CHL1: variants seen among roughly 807,000 people sequenced by gnomAD.
CHL1 encodes neural cell adhesion molecule L1-like protein.
CHL1 carries 96 observed loss-of-function variants against 141.9 expected under a neutral mutation model. That is an observed-to-expected ratio of 0.68 (90% CI 0.57 to 0.80). CHL1 has a LOEUF of 0.80. Among genes scored for constraint, CHL1 ranks in the 30% least tolerant of loss-of-function variants. CHL1 has a pLI of 0.00. For missense variants in CHL1, 1,820 were observed against 1,457.2 expected (o/e 1.25, Z -4.05); for synonymous variants, 613 against 502.2 (o/e 1.22, Z -2.95).
rs545830021 is a variant in CHL1 at position 387,120 on chromosome 3, T to G, written c.2248-2132T>G. On this transcript the variant is annotated intron_variant, in intron 19 of 27. Transcript: ENST00000256509. ...TCTAGATTAATAGTTATAACCTTGC[T>G]TGGGTCATAGATCTCTTTGAAACTA... Among the ~76,000 whole-genome samples the G allele has an allele frequency of 2.0e-5, 3 of 152,340 alleles. No individual in the cohort carries two copies. The South Asian group carries it at 6.2e-4, about 32-fold the overall frequency.
chr3:197,801 G>T (rs1485299814), intron 1 of CHL1: 2 of 456,096 alleles, frequency 4.4e-6, no homozygotes, highest in Non-Finnish European at 8.8e-6. Flanking sequence ...CCTGGTAGCG[G>T]AGCCCGGGGG....
chr3:389,312 CA>C lies in CHL1; in HGVS notation c.2309del (p.Gln770ArgfsTer19), dbSNP rs1708036205. The C allele has an allele frequency of 6.2e-7, 1 of 1,614,030 alleles. No individual in the cohort carries two copies. Among genetic ancestry groups the C allele is most frequent in the African/African-American group, 1.3e-5 (1 of 74,936 alleles). On this transcript the variant is annotated frameshift_variant, in exon 20 of 28. Coordinates refer to ENST00000256509, the MANE Select transcript of CHL1 (RefSeq NM_006614.4). LOFTEE classifies it high-confidence loss of function. ...AGAGTACAGAGTGACCTGGAAGCCA[CA>C]GGGAGCCCCAGTGGAGTGGGAAGAA... ...GLEYRVTWKP[Q>X]GAPVEWEEET...
intron 13 of CHL1, 137 bp downstream of exon 13, chr3:361,947 A>AACTT: frequency 1.7e-6 from 1 of 602,816 alleles, no homozygotes; most frequent in Non-Finnish European, 3.0e-6. Flanking sequence ...TAAGGTAACA[A>AACTT]ACTTACCGGT....
intron 16 of CHL1, among the ~76,000 whole-genome samples, chr3:381,648 G>C (rs1228439752): frequency 6.6e-6 from 1 of 152,170 alleles, no homozygotes; most frequent in African/African-American, 2.4e-5. Context: ...TTTGCAATTG[G>C]TTAAGGAAGA....
chr3:373,622 C>G (rs1194471033), intron 15 of CHL1: 6 of 152,510 alleles, frequency 3.9e-5, no homozygotes, highest in Admixed American at 3.3e-4. Context: ...AAGCAGGCAG[C>G]TGCAGCTGTG....
chr3:364,986 T>A (rs186684743), intron 14 of CHL1, among the ~76,000 whole-genome samples: 254 of 152,348 alleles, frequency 1.7e-3, no homozygotes, highest in African/African-American at 5.8e-3. Context: ...AAGTAGGATG[T>A]CAAATAATTC....
At position 307,714 on chromosome 3, in the gene CHL1, A is replaced by T. The variant is rs570280776; in HGVS notation, c.-94-11969A>T. Among the ~76,000 whole-genome samples, 3 of 152,306 alleles carry T rather than the reference A, an allele frequency of 2.0e-5. No homozygotes were observed. The South Asian group carries it at 6.2e-4, about 32-fold the overall frequency. On this transcript the variant is annotated intron_variant, in intron 2 of 27. Coordinates refer to ENST00000256509, the MANE Select transcript of CHL1 (RefSeq NM_006614.4). ...TAACATCGACTATAGTGATTAAGCC[A>T]TACTTACACACTTAACATACTTTAC...
At chr3:339,194 G>C (rs1276682522) in intron 5 of CHL1, among the ~76,000 whole-genome samples, 1 of 152,204 alleles carries the variant, frequency 6.6e-6, no homozygotes, top group South Asian at 2.1e-4. Context: ...CTAAATAAGT[G>C]GTTCAATTTG....
Position 213,639 on chromosome 3 carries a change from G to A in CHL1, c.-175+16576G>A, listed in dbSNP as rs918207734. ...AAATAGAGGATGAAAAATGCCATAC[G>A]AATGTATAGATAATGTTTTATGGGA... On this transcript the variant is annotated intron_variant, in intron 1 of 27. Coordinates refer to ENST00000256509, the MANE Select transcript of CHL1 (RefSeq NM_006614.4). 2.6e-5 allele frequency: 4 copies of A among 152,134 alleles called. No individual in the cohort carries two copies. In the East Asian group the frequency reaches 5.8e-4, roughly 22 times the overall value. The allele number at this position is 152,134 out of a possible 1,614,324, so 9.4% of individuals were successfully genotyped here. A position where few individuals can be genotyped will look rare whatever the true frequency, so the allele number is the denominator to read the frequency against.
Position 405,524 on chromosome 3 carries a change from G to A in CHL1, c.3488G>A (p.Ser1163Asn). The A allele has an allele frequency of 6.2e-7, 1 of 1,613,014 alleles. No homozygotes were observed. Among genetic ancestry groups the A allele is most frequent in the Non-Finnish European group, 8.5e-7 (1 of 1,179,198 alleles). Residue 1163 changes from serine (S) to asparagine (N), a missense_variant, in exon 28 of 28, where the codon AGC becomes AAC. Coordinates refer to ENST00000256509, the MANE Select transcript of CHL1 (RefSeq NM_006614.4). ...SDSDEKPLKG[S>N]LRSLNRDMQP... ...AGTGATGAAAAGCCTCTCAAAGGAA[G>A]CCTTCGGTCCCTTAATAGGGATATG... is the stretch of plus-strand genomic sequence containing the variant.
At chr3:364,642 T>A (rs955746902) in intron 14 of CHL1, among the ~76,000 whole-genome samples, 1 of 152,194 alleles carries the variant, frequency 6.6e-6, no homozygotes, top group Non-Finnish European at 1.5e-5. Context: ...GGACACTTTT[T>A]TTTTTACATA....
At chr3:246,785 A>G (rs966133129) in intron 2 of CHL1, 19 of 152,162 alleles carry the variant, frequency 1.2e-4, no homozygotes, top group Non-Finnish European at 2.2e-4. Flanking sequence ...TATCAGATGA[A>G]TACATATTTG....
At chr3:347,127 A>G (rs1005089879) in intron 9 of CHL1, among the ~76,000 whole-genome samples, 1 of 152,232 alleles carries the variant, frequency 6.6e-6, no homozygotes, top group African/African-American at 2.4e-5. Flanking sequence ...AACTTATAAA[A>G]TGGCCATAGA....
In CHL1 at chr3:398,120, A is replaced by G. The variant is rs1708825485; in HGVS notation, c.3095-107A>G. 5 of 603,116 alleles carry G rather than the reference A, an allele frequency of 8.3e-6. No homozygotes were observed. In the South Asian group the frequency reaches 2.9e-4, roughly 35 times the overall value. 37.4% of individuals were successfully genotyped at this position (603,116 alleles called of 1,614,324 possible). Reference sequence around the variant, plus strand: ...CTGGTAATTCAAAAACTATCTGAGAAAATATGGTATAAGTGACTTTCTTAT... The same window carrying G: ...CTGGTAATTCAAAAACTATCTGAGAGAATATGGTATAAGTGACTTTCTTAT... On this transcript the variant is annotated intron_variant, in intron 24 of 27. Coordinates refer to ENST00000256509, the MANE Select transcript of CHL1 (RefSeq NM_006614.4).
rs1268360530 is a variant in CHL1 at position 326,006 on chromosome 3, T to C, written c.139T>C (p.Phe47Leu). 6.2e-7 allele frequency: 1 copy of C among 1,611,842 alleles called. No homozygotes were observed. Among genetic ancestry groups the C allele is most frequent in the East Asian group, 2.2e-5 (1 of 44,752 alleles). ...AAAACAGTCAAAAGTCCAAGTTGCC[T>C]TTCCCTTCGATGAGTATTTTCAAAT... ...IIKQSKVQVA[F>L]PFDEYFQIEC... The change falls in exon 4 of 28, where the codon TTT (phenylalanine) becomes CTT (leucine). Residue 47 changes from phenylalanine (F) to leucine (L), a missense_variant. By Grantham distance (22) the Phe-to-Leu change is conservative. Coordinates refer to ENST00000256509, the MANE Select transcript of CHL1 (RefSeq NM_006614.4).
chr3:211,743 G>A (rs1699920997), intron 1 of CHL1, among the ~76,000 whole-genome samples: 1 of 152,154 alleles, frequency 6.6e-6, no homozygotes, highest in Non-Finnish European at 1.5e-5. Context: ...CAGGCAAAAT[G>A]CGATATACAC....
chr3:287,343 A>G (rs986191405), intron 2 of CHL1, among the ~76,000 whole-genome samples: 2 of 152,118 alleles, frequency 1.3e-5, no homozygotes, highest in African/African-American at 4.8e-5. Context: ...CAGACACTCA[A>G]TGTATATTGA....
At chr3:238,925 C>T (rs560757074) in intron 1 of CHL1, among the ~76,000 whole-genome samples, 3 of 151,070 alleles carry the variant, frequency 2.0e-5, no homozygotes, top group South Asian at 2.1e-4. Flanking sequence ...AAGAGCAAGA[C>T]TTCTAAAACA....
chr3:354,598 A>T, intron 10 of CHL1, 42 bp from the exon 11 acceptor site: 1 of 1,567,532 alleles, frequency 6.4e-7, no homozygotes. Context: ...GGACTTTTTG[A>T]CATAGATAAC....
Sources: gnomAD v4.1 joint callset for allele counts (sites outside exome capture counted in the v4.1 genomes callset) on GRCh38, gnomAD v4.1.1 for gene constraint, MANE v1.5 for transcripts, NCBI Gene and HGNC (gene_info 2026-07-23, HGNC 2026-07-21) for gene names.